The following GALNTL6 variants were observed in gnomAD, a reference collection of about 807,000 sequenced individuals.
The protein encoded by GALNTL6 is polypeptide N-acetylgalactosaminyltransferase like 6, also known as polypeptide N-acetylgalactosaminyltransferase-like 6.
A neutral mutation model predicts 73.7 loss-of-function variants in GALNTL6; 46 were observed. The observed-to-expected ratio is 0.62, with a 90% CI of 0.49 to 0.80. The LOEUF is 0.80. GALNTL6 is among the 30% of genes least tolerant of loss of function. The probability of loss-of-function intolerance (pLI) is 0.00; values close to 1 mark genes in which losing one functional copy is unlikely to be tolerated. For missense variants in GALNTL6, 604 were observed against 755.0 expected (o/e 0.80, Z 2.34); for synonymous variants, 259 against 263.7 (o/e 0.98, Z 0.17).
At chr4:171,837,087 C>T (rs1257346515) in intron 2 of GALNTL6, among the ~76,000 whole-genome samples, 1 of 152,016 alleles carries the variant, frequency 6.6e-6, no homozygotes, top group African/African-American at 2.4e-5. Flanking sequence ...ACAAAATGAT[C>T]ACTAGTAATA....
intron 5 of GALNTL6, among the ~76,000 whole-genome samples, chr4:172,774,278 G>C (rs750874803): frequency 2.6e-4 from 40 of 152,170 alleles, no homozygotes; most frequent in Non-Finnish European, 5.9e-5. Flanking sequence ...TCAACATGGT[G>C]GTTGTACAGT....
intron 2 of GALNTL6, among the ~76,000 whole-genome samples, chr4:172,203,366 G>A (rs754709129): frequency 1.3e-5 from 2 of 152,070 alleles, no homozygotes; most frequent in South Asian, 2.1e-4. Flanking sequence ...ATTTGGCAGC[G>A]GAAACTTAAA....
intron 3 of GALNTL6, among the ~76,000 whole-genome samples, chr4:172,240,316 T>C (rs951271139): frequency 6.6e-6 from 1 of 151,974 alleles, no homozygotes; most frequent in African/African-American, 2.4e-5. Flanking sequence ...CTCCGCCTCC[T>C]GGGTTCATGC....
chr4:172,861,189 T>A (rs1711815056), intron 7 of GALNTL6, among the ~76,000 whole-genome samples: 1 of 152,172 alleles, frequency 6.6e-6, no homozygotes, highest in African/African-American at 2.4e-5. Flanking sequence ...ATGCACTGGG[T>A]TAGGTGAGAT....
At chr4:172,135,555 C>G (rs940671775) in intron 2 of GALNTL6, among the ~76,000 whole-genome samples, 10 of 152,078 alleles carry the variant, frequency 6.6e-5, no homozygotes, top group African/African-American at 2.4e-4. Context: ...TCTACCAGTT[C>G]ATAGTTAGCG....
At chr4:172,340,183 G>T (rs1266650069) in intron 4 of GALNTL6, among the ~76,000 whole-genome samples, 4 of 152,006 alleles carry the variant, frequency 2.6e-5, no homozygotes, top group Non-Finnish European at 1.5e-5. Context: ...TTTCTAGTTT[G>T]TGAGAGTCTT....
chr4:172,879,404 G>C (rs1745344665), intron 7 of GALNTL6, among the ~76,000 whole-genome samples: 1 of 151,706 alleles, frequency 6.6e-6, no homozygotes, highest in South Asian at 2.1e-4. Flanking sequence ...AAATTTAAAA[G>C]AATTCAAGTC....
At chr4:172,860,184 G>A (rs1006261677) in intron 7 of GALNTL6, among the ~76,000 whole-genome samples, 1 of 152,124 alleles carries the variant, frequency 6.6e-6, no homozygotes, top group African/African-American at 2.4e-5. Context: ...GTATACTTCT[G>A]TGTTGCACAT....
At chr4:171,882,943 C>T (rs571513201) in intron 2 of GALNTL6, among the ~76,000 whole-genome samples, 2 of 152,284 alleles carry the variant, frequency 1.3e-5, no homozygotes, top group East Asian at 3.9e-4. Flanking sequence ...GCAATTACAA[C>T]TAAAATAGAA....
chr4:172,110,865 A>G (rs1373363771), intron 2 of GALNTL6, among the ~76,000 whole-genome samples: 1 of 151,938 alleles, frequency 6.6e-6, no homozygotes, highest in Non-Finnish European at 1.5e-5. Context: ...TTATGAAGCA[A>G]CTCTTATGTT....
At chr4:171,815,881 T>C (rs1253823320) in intron 2 of GALNTL6, 3 of 152,196 alleles carry the variant, frequency 2.0e-5, no homozygotes, top group Admixed American at 2.0e-4. Context: ...ATTACCAGTC[T>C]CTAAACTTTA....
intron 5 of GALNTL6, among the ~76,000 whole-genome samples, chr4:172,581,922 C>CT (rs1213018780): frequency 6.6e-6 from 1 of 152,136 alleles, no homozygotes; most frequent in Non-Finnish European, 1.5e-5. Context: ...GAAGACTTGC[C>CT]TTTTTTTCTT....
chr4:172,407,327 AAAC>A (rs1232567935), intron 5 of GALNTL6, among the ~76,000 whole-genome samples: 2 of 152,080 alleles, frequency 1.3e-5, no homozygotes, highest in African/African-American at 4.8e-5. Context: ...TCCGTGTAGA[AAAC>A]AACATTTATT....
chr4:171,970,193 C>T (rs375378337), intron 2 of GALNTL6, among the ~76,000 whole-genome samples: 40 of 148,170 alleles, frequency 2.7e-4, no homozygotes, highest in Admixed American at 7.7e-4. Flanking sequence ...CCAAAATCAC[C>T]GGCCATGATC....
chr4:172,787,130 G>T (rs1451900553), intron 5 of GALNTL6, among the ~76,000 whole-genome samples: 3 of 152,136 alleles, frequency 2.0e-5, no homozygotes, highest in African/African-American at 7.2e-5. Context: ...TCCAGGAAAT[G>T]CTGCCAAATT....
intron 5 of GALNTL6, among the ~76,000 whole-genome samples, chr4:172,571,490 G>C: frequency 6.6e-6 from 1 of 152,156 alleles, no homozygotes; most frequent in East Asian, 1.9e-4. Context: ...AGACTGTCTA[G>C]ATGTTCTGAA....
intron 5 of GALNTL6, among the ~76,000 whole-genome samples, chr4:172,658,324 G>T (rs1162416602): frequency 6.7e-6 from 1 of 149,468 alleles, no homozygotes; most frequent in Non-Finnish European, 1.5e-5. Context: ...AAAATTAGCC[G>T]GGCGTGGTGG....
At chr4:172,529,911 A>G (rs1735114805) in intron 5 of GALNTL6, among the ~76,000 whole-genome samples, 1 of 147,496 alleles carries the variant, frequency 6.8e-6, no homozygotes, top group African/African-American at 2.5e-5. Flanking sequence ...CTATTTATTT[A>G]TTGTATTTTT....
intron 2 of GALNTL6, among the ~76,000 whole-genome samples, chr4:172,206,814 G>GTTTTTTTTTTTTTTT (rs796625697): frequency 5.2e-5 from 3 of 57,964 alleles, no homozygotes; most frequent in African/African-American, 1.5e-4. Flanking sequence ...TGTTTTTTTT[G>GTTTTTTTTTTTTTTT]TTTGTTTTTT....
Sources: gnomAD v4.1 joint callset for allele counts (sites outside exome capture counted in the v4.1 genomes callset) on GRCh38, gnomAD v4.1.1 for gene constraint, MANE v1.5 for transcripts, NCBI Gene and HGNC (gene_info 2026-07-23, HGNC 2026-07-21) for gene names.